EYS: variants seen among roughly 807,000 people sequenced by gnomAD.
The protein encoded by EYS is EGF-like photoreceptor maintenance factor.
In EYS, 250 loss-of-function variants were observed where a neutral mutation model predicts 282.1. That is an observed-to-expected ratio of 0.89 (90% CI 0.80 to 0.98). EYS has a LOEUF of 0.98. Ranked by LOEUF, EYS falls within the 50% of genes least tolerant of loss-of-function variation. The pLI is 0.00. For synonymous variants in EYS, 1,355 were observed against 1,282.9 expected (o/e 1.06, Z -1.20); for missense variants, 4,016 against 3,709.0 (o/e 1.08, Z -2.15).
intron 24 of EYS, among the ~76,000 whole-genome samples, chr6:64,614,101 T>G (rs1767193213): frequency 6.6e-6 from 1 of 152,070 alleles, no homozygotes; most frequent in Non-Finnish European, 1.5e-5. Flanking sequence ...TCCCTACACC[T>G]TACTGCCATA....
intron 12 of EYS, among the ~76,000 whole-genome samples, chr6:65,267,285 A>G (rs182101213): frequency 6.6e-6 from 1 of 151,980 alleles, no homozygotes; most frequent in Admixed American, 6.6e-5. Flanking sequence ...GATTTTCTAG[A>G]CTGTAATAAC....
intron 35 of EYS, among the ~76,000 whole-genome samples, chr6:63,974,363 T>C (rs144941630): frequency 1.3e-5 from 2 of 151,968 alleles, no homozygotes; most frequent in Non-Finnish European, 2.9e-5. Flanking sequence ...AGCAAAACAG[T>C]CAAAAAAACA....
intron 26 of EYS, among the ~76,000 whole-genome samples, chr6:64,574,067 A>G (rs535831085): frequency 1.3e-5 from 2 of 152,366 alleles, no homozygotes; most frequent in South Asian, 4.1e-4. Context: ...AAAATGTGGC[A>G]CATATATACC....
chr6:64,123,763 TA>T (rs1332650239), intron 31 of EYS, among the ~76,000 whole-genome samples: 27 of 152,280 alleles, frequency 1.8e-4, no homozygotes. Flanking sequence ...CAACGAGATA[TA>T]AATACAAAAT....
intron 28 of EYS, among the ~76,000 whole-genome samples, chr6:64,411,089 A>G (rs1353220504): frequency 6.6e-6 from 1 of 152,144 alleles, no homozygotes; most frequent in Admixed American, 6.6e-5. Flanking sequence ...TAATCAGGAG[A>G]GAAACACTGA....
intron 5 of EYS, among the ~76,000 whole-genome samples, chr6:65,470,072 A>G (rs1765153868): frequency 6.6e-6 from 1 of 152,208 alleles, no homozygotes; most frequent in South Asian, 2.1e-4. Flanking sequence ...CATCTTCCTT[A>G]AAATGTGCTT....
At chr6:63,924,827 G>T (rs1380021431) in intron 35 of EYS, among the ~76,000 whole-genome samples, 1 of 151,950 alleles carries the variant, frequency 6.6e-6, no homozygotes, top group African/African-American at 2.4e-5. Context: ...TTTCCTCTTT[G>T]GTGCATAACA....
intron 30 of EYS, among the ~76,000 whole-genome samples, chr6:64,232,695 A>G (rs1766462983): frequency 6.6e-6 from 1 of 152,094 alleles, no homozygotes; most frequent in Admixed American, 6.6e-5. Context: ...CCTGGCCTGT[A>G]CCACACTACT....
chr6:64,182,316 A>G (rs926697569), intron 31 of EYS, among the ~76,000 whole-genome samples: 1 of 152,094 alleles, frequency 6.6e-6, no homozygotes, highest in African/African-American at 2.4e-5. Flanking sequence ...TCTTTCCTCA[A>G]AATTATATTG....
At chr6:65,529,724 A>G (rs1341119438) in intron 2 of EYS, among the ~76,000 whole-genome samples, 2 of 152,134 alleles carry the variant, frequency 1.3e-5, no homozygotes, top group Non-Finnish European at 2.9e-5. Context: ...GGCCTTTGTG[A>G]TTAAATCATG....
chr6:64,223,922 C>T (rs1766177783), intron 31 of EYS, among the ~76,000 whole-genome samples: 1 of 151,876 alleles, frequency 6.6e-6, no homozygotes, highest in Non-Finnish European at 1.5e-5. Flanking sequence ...TGACTGTAAC[C>T]TTTTGTAGAA....
rs373699586 is a variant in EYS, at chr6:64,918,101, G to T, written c.2382-5358C>A. 2.6e-5 allele frequency among the ~76,000 whole-genome samples: 4 copies of T among 151,766 alleles called. No homozygotes were observed. The East Asian group carries it at 7.7e-4, about 29-fold the overall frequency. On this transcript the variant is annotated intron_variant, in intron 15 of 42. Transcript: ENST00000503581. Reference sequence around the variant, plus strand: ...CCATCAACAAAATTATATTCATACCGAATTATAACATGAACATTACTAAAC... The same window carrying T: ...CCATCAACAAAATTATATTCATACCTAATTATAACATGAACATTACTAAAC...
At chr6:64,203,148 A>G (rs1166648579) in intron 31 of EYS, among the ~76,000 whole-genome samples, 1 of 152,202 alleles carries the variant, frequency 6.6e-6, no homozygotes, top group Non-Finnish European at 1.5e-5. Flanking sequence ...GAGATTGACT[A>G]TAAAGGCAGA....
At chr6:65,641,767 C>T (rs920283318) in intron 1 of EYS, among the ~76,000 whole-genome samples, 2 of 151,960 alleles carry the variant, frequency 1.3e-5, no homozygotes, top group African/African-American at 4.8e-5. Context: ...TCTTTATATC[C>T]TTTTTTACAT....
chr6:65,444,250 T>C (rs1303073238), intron 5 of EYS, among the ~76,000 whole-genome samples: 1 of 152,026 alleles, frequency 6.6e-6, no homozygotes, highest in Non-Finnish European at 1.5e-5. Flanking sequence ...TAAAAGCTTA[T>C]CTTCAATAAA....
intron 26 of EYS, among the ~76,000 whole-genome samples, chr6:64,561,496 T>C (rs1765393130): frequency 6.6e-6 from 1 of 152,076 alleles, no homozygotes; most frequent in South Asian, 2.1e-4. Context: ...ACAAAATCGA[T>C]GTACAAAAGT....
At chr6:64,226,713 A>G (rs1408529864) in intron 31 of EYS, among the ~76,000 whole-genome samples, 1 of 152,128 alleles carries the variant, frequency 6.6e-6, no homozygotes, top group Non-Finnish European at 1.5e-5. Context: ...AGAAAAAAAG[A>G]GCATATTAAA....
At chr6:64,974,522 GTTC>G (rs1770409868) in intron 14 of EYS, among the ~76,000 whole-genome samples, 1 of 151,796 alleles carries the variant, frequency 6.6e-6, no homozygotes, top group African/African-American at 2.4e-5. Context: ...TTTAATATTT[GTTC>G]TTAGAGTGAC....
chr6:63,735,887 A>G (rs1336997604), intron 41 of EYS, among the ~76,000 whole-genome samples: 2 of 152,062 alleles, frequency 1.3e-5, no homozygotes, highest in African/African-American at 4.8e-5. Flanking sequence ...CTGTAGAATG[A>G]CCCTCAACTT....
Sources: gnomAD v4.1 joint callset for allele counts (sites outside exome capture counted in the v4.1 genomes callset) on GRCh38, gnomAD v4.1.1 for gene constraint, MANE v1.5 for transcripts, NCBI Gene and HGNC (gene_info 2026-07-23, HGNC 2026-07-21) for gene names.